The following EVA1C variants were observed in gnomAD, a reference collection of about 807,000 sequenced individuals.
EVA1C encodes protein eva-1 homolog C.
EVA1C carries 25 observed loss-of-function variants against 45.4 expected under a neutral mutation model. That is an observed-to-expected ratio of 0.55 (90% CI 0.40 to 0.77). The LOEUF (loss-of-function observed/expected upper bound fraction) is 0.77. Among genes scored for constraint, EVA1C ranks in the 30% least tolerant of loss-of-function variants. The pLI is 0.00. For missense variants in EVA1C, 479 were observed against 554.8 expected (o/e 0.86, Z 1.37); for synonymous variants, 190 against 221.2 (o/e 0.86, Z 1.25).
At chr21:32,450,769 C>T (rs1461280628) in intron 1 of EVA1C, among the ~76,000 whole-genome samples, 2 of 152,078 alleles carry the variant, frequency 1.3e-5, no homozygotes, top group East Asian at 3.9e-4. Context: ...ACCAGAGGCC[C>T]AGGGCCACTG....
At chr21:32,504,850 C>G (rs879678408) in intron 7 of EVA1C, among the ~76,000 whole-genome samples, 1 of 151,794 alleles carries the variant, frequency 6.6e-6, no homozygotes, top group Non-Finnish European at 1.5e-5. Flanking sequence ...TAAAGACATA[C>G]CTGAGGCTGG....
intron 1 of EVA1C, among the ~76,000 whole-genome samples, chr21:32,441,927 C>G (rs1365269618): frequency 1.3e-5 from 2 of 152,172 alleles, no homozygotes; most frequent in Non-Finnish European, 2.9e-5. Flanking sequence ...CTTGTCCCCT[C>G]TGTTGTCCAC....
intron 4 of EVA1C, among the ~76,000 whole-genome samples, chr21:32,471,154 C>G (rs576945744): frequency 2.0e-4 from 30 of 152,096 alleles, no homozygotes; most frequent in African/African-American, 7.2e-4. Flanking sequence ...GATGAGGGAC[C>G]CTTGGTGTTT....
rs565584026 is a variant in EVA1C, at chr21:32,443,994, T to C, written c.161-9318T>C. On this transcript the variant is annotated intron_variant, in intron 1 of 7. Transcript: ENST00000300255. ...TCATTCTTTCTCTTCCCAAAGCACA[T>C]GTTTCTATGAGACAGGGCCACAGCC... Among the ~76,000 whole-genome samples, 6 of 152,010 alleles carry C rather than the reference T, an allele frequency of 3.9e-5. No homozygotes were observed. In the East Asian group the frequency reaches 1.2e-3, roughly 29 times the overall value.
rs142021447 is a variant in EVA1C at position 32,515,216 on chromosome 21, G to A, written c.*26G>A. The A allele has an allele frequency of 1.1e-4, 165 of 1,534,806 alleles. No homozygotes were observed. Among genetic ancestry groups the A allele is most frequent in the Non-Finnish European group, 1.4e-4 (155 of 1,138,158 alleles). On this transcript the variant is annotated 3_prime_UTR_variant, in exon 8 of 8. Transcript: ENST00000300255. Reference sequence around the variant, plus strand: ...AAACCACATGCATCTTGATGCGATCGCACTTTCTGAAGAAGGAAGGATCCC... The same window carrying A: ...AAACCACATGCATCTTGATGCGATCACACTTTCTGAAGAAGGAAGGATCCC...
intron 4 of EVA1C, among the ~76,000 whole-genome samples, chr21:32,470,494 G>A (rs1323674709): frequency 6.6e-6 from 1 of 152,156 alleles, no homozygotes; most frequent in African/African-American, 2.4e-5. Flanking sequence ...TGTGAGGTGG[G>A]TCCCCATTGT....
intron 1 of EVA1C, among the ~76,000 whole-genome samples, chr21:32,427,004 TAGC>T (rs1403476443): frequency 2.0e-5 from 3 of 152,108 alleles, no homozygotes; most frequent in African/African-American, 7.2e-5. Flanking sequence ...CTGAAGAAAA[TAGC>T]AGGCCTGTCA....
rs115181598 is a variant in EVA1C, at chr21:32,461,660, G to A, written c.481+3940G>A. Among the ~76,000 whole-genome samples, 510 of 152,334 alleles carry A rather than the reference G, an allele frequency of 3.3e-3. 5 individuals carry two copies. The highest frequency in any genetic ancestry group is 0.012 in the African/African-American group (480 of 41,572). Reference sequence around the variant, plus strand: ...GCCTGTGTTCTGTGGCATCTGCCACGGTGGGAGTATTTACACCAGGGAAAT... The same window carrying A: ...GCCTGTGTTCTGTGGCATCTGCCACAGTGGGAGTATTTACACCAGGGAAAT... On this transcript the variant is annotated intron_variant, in intron 3 of 7. Coordinates refer to ENST00000300255, the MANE Select transcript of EVA1C (RefSeq NM_058187.5).
intron 4 of EVA1C, among the ~76,000 whole-genome samples, chr21:32,485,241 C>A (rs564363058): frequency 1.3e-5 from 2 of 152,238 alleles, no homozygotes; most frequent in Admixed American, 6.5e-5. Context: ...AGTGCAATGG[C>A]GCAATCTCGC....
intron 5 of EVA1C, 109 bp downstream of exon 5, chr21:32,495,279 T>G: frequency 8.8e-7 from 1 of 1,136,176 alleles, no homozygotes; most frequent in South Asian, 1.7e-5. Flanking sequence ...ACACTGCTCC[T>G]CCTGAAGCTG....
At chr21:32,449,788 A>AT (rs2035511420) in intron 1 of EVA1C, among the ~76,000 whole-genome samples, 1 of 151,526 alleles carries the variant, frequency 6.6e-6, no homozygotes, top group Admixed American at 6.6e-5. Context: ...CACCCAGCTA[A>AT]TTTTTTGCAT....
intron 1 of EVA1C, among the ~76,000 whole-genome samples, chr21:32,419,789 C>A: frequency 7.2e-6 from 1 of 139,446 alleles, no homozygotes; most frequent in East Asian, 2.1e-4. Context: ...AGCAATGGAC[C>A]AAGAAGGTGG....
intron 1 of EVA1C, among the ~76,000 whole-genome samples, chr21:32,437,982 T>A (rs1473286088): frequency 1.3e-5 from 2 of 152,158 alleles, no homozygotes; most frequent in African/African-American, 4.8e-5. Context: ...CGGCCCCCGG[T>A]CTTTCCTGTT....
At chr21:32,442,452 C>A (rs764033274) in intron 1 of EVA1C, among the ~76,000 whole-genome samples, 1 of 152,108 alleles carries the variant, frequency 6.6e-6, no homozygotes, top group Non-Finnish European at 1.5e-5. Flanking sequence ...CTTTCCTGTA[C>A]CCTCAGGACC....
chr21:32,423,424 C>A (rs1601209183), intron 1 of EVA1C, among the ~76,000 whole-genome samples: 1 of 152,248 alleles, frequency 6.6e-6, no homozygotes, highest in South Asian at 2.1e-4. Context: ...GTACAACCTA[C>A]TCCAAAAAAT....
intron 4 of EVA1C, among the ~76,000 whole-genome samples, chr21:32,471,118 C>G (rs1169369803): frequency 6.6e-6 from 1 of 152,006 alleles, no homozygotes; most frequent in African/African-American, 2.4e-5. Context: ...TGCAGGGGCT[C>G]CCTGTATTAT....
chr21:32,457,476 A>C (rs2035828233), intron 2 of EVA1C, 121 bp from the exon 3 acceptor site: 4 of 1,144,450 alleles, frequency 3.5e-6, no homozygotes, highest in Non-Finnish European at 5.2e-6. Context: ...GGCCTTAGAC[A>C]CAGCTTGGCC....
intron 3 of EVA1C, among the ~76,000 whole-genome samples, chr21:32,466,504 A>C (rs1432042360): frequency 9.0e-6 from 1 of 111,048 alleles, no homozygotes; most frequent in African/African-American, 3.9e-5. Flanking sequence ...AAAAAAAAAT[A>C]AACTGTGTTT....
intron 1 of EVA1C, among the ~76,000 whole-genome samples, chr21:32,417,900 T>C (rs747100868): frequency 3.3e-5 from 5 of 152,180 alleles, no homozygotes; most frequent in Admixed American, 6.5e-5. Context: ...TGATCTCTTT[T>C]TGAAAGCTCC....
Sources: allele counts gnomAD v4.1 joint callset (sites outside exome capture counted in the v4.1 genomes callset), GRCh38; gene constraint gnomAD v4.1.1; transcripts MANE v1.5; gene names NCBI Gene and HGNC (gene_info 2026-07-23, HGNC 2026-07-21).